Variants in AP3B1 observed in about 807,000 individuals in gnomAD.
AP3B1 encodes AP-3 complex subunit beta-1.
AP3B1 carries 61 observed loss-of-function variants against 132.5 expected under a neutral mutation model. That is an observed-to-expected ratio of 0.46 (90% CI 0.37 to 0.57). The LOEUF is 0.57. AP3B1 is among the 20% of genes least tolerant of loss of function. AP3B1 has a pLI of 0.00. For missense variants in AP3B1, 1,120 were observed against 1,289.4 expected (o/e 0.87, Z 2.01); for synonymous variants, 388 against 438.3 (o/e 0.89, Z 1.43).
chr5:78,059,971 T>C (rs535955987), intron 22 of AP3B1, among the ~76,000 whole-genome samples: 3 of 151,868 alleles, frequency 2.0e-5, no homozygotes, highest in African/African-American at 7.3e-5. Flanking sequence ...CAAACAGACA[T>C]GTTTCAATGG....
intron 3 of AP3B1, among the ~76,000 whole-genome samples, chr5:78,238,053 C>T (rs1303792908): frequency 1.3e-5 from 2 of 152,206 alleles, no homozygotes; most frequent in Non-Finnish European, 2.9e-5. Context: ...CCAGGCCACA[C>T]AGCAGGCAGT....
intron 12 of AP3B1, among the ~76,000 whole-genome samples, chr5:78,164,868 A>T (rs1017865365): frequency 2.0e-5 from 3 of 152,178 alleles, no homozygotes; most frequent in Non-Finnish European, 2.9e-5. Context: ...CAAAAAATAC[A>T]TCTCTAAAAG....
At chr5:78,120,663 C>T (rs1165699173) in intron 17 of AP3B1, among the ~76,000 whole-genome samples, 6 of 151,946 alleles carry the variant, frequency 3.9e-5, no homozygotes, top group Admixed American at 3.3e-4. Flanking sequence ...TATATATGCA[C>T]CCAATACAGG....
intron 7 of AP3B1, among the ~76,000 whole-genome samples, chr5:78,198,476 T>G (rs1206864712): frequency 6.6e-6 from 1 of 152,122 alleles, no homozygotes; most frequent in African/African-American, 2.4e-5. Context: ...AGCTACCTCA[T>G]ATGGTGGAAG....
Position 78,113,832 on chromosome 5 carries a change from C to T in AP3B1, c.2169G>A (p.Glu723=). The T allele has an allele frequency of 6.2e-7, 1 of 1,614,198 alleles. No individual in the cohort carries two copies. The highest frequency in any genetic ancestry group is 8.5e-7 in the Non-Finnish European group (1 of 1,180,024). The part of the protein sequence containing the change: ...NEDSSEDSSS[E]QDSESGRESG... ...ACTCCCGTCCACTCTCACTGTCCTG[C>T]TCACTGGAGGAGTCCTCACTGCTGT... The change falls in exon 19 of 27, where the codon GAG becomes GAA. Residue 723 remains glutamate (E), a synonymous_variant. Transcript: ENST00000255194.
intron 7 of AP3B1, among the ~76,000 whole-genome samples, chr5:78,187,653 C>G (rs761870625): frequency 4.6e-5 from 7 of 152,090 alleles, no homozygotes; most frequent in Non-Finnish European, 1.0e-4. Flanking sequence ...AAATGGCCAT[C>G]CTGCCCAAAG....
chr5:78,258,168 A>T (rs565064496), intron 2 of AP3B1, among the ~76,000 whole-genome samples: 1 of 152,362 alleles, frequency 6.6e-6, no homozygotes, highest in Non-Finnish European at 1.5e-5. Flanking sequence ...ATCGGATCAC[A>T]TCAAGTTAAA....
At chr5:78,227,863 G>A (rs564389690) in intron 4 of AP3B1, among the ~76,000 whole-genome samples, 9 of 152,104 alleles carry the variant, frequency 5.9e-5, no homozygotes, top group Admixed American at 1.3e-4. Flanking sequence ...CCCCTTTTGC[G>A]TACTTTCAAC....
intron 17 of AP3B1, among the ~76,000 whole-genome samples, chr5:78,125,410 G>A (rs1303642867): frequency 6.6e-6 from 1 of 152,044 alleles, no homozygotes. Flanking sequence ...ACAGTTACAG[G>A]ACTTGACCAT....
chr5:78,043,922 T>C lies in AP3B1; in HGVS notation c.2578-4648A>G, dbSNP rs115177417. 2.7e-3 allele frequency: 952 copies of C among 350,158 alleles called. 7 individuals are homozygous for C. Among genetic ancestry groups the C allele is most frequent in the African/African-American group, 0.019 (905 of 46,634 alleles). The allele number at this position is 350,158 out of a possible 1,614,324, so 21.7% of individuals were successfully genotyped here. The stretch of plus-strand genomic sequence containing the variant: ...CATTACCATGGGTTGGGGATGATGT[T>C]AACTTCCAGCTCTTTACCATTGTCC... On this transcript the variant is annotated intron_variant, in intron 22 of 26. Coordinates refer to ENST00000255194, the MANE Select transcript of AP3B1 (RefSeq NM_003664.5).
intron 23 of AP3B1, among the ~76,000 whole-genome samples, chr5:78,035,014 A>G (rs1580263854): frequency 6.6e-6 from 1 of 151,962 alleles, no homozygotes; most frequent in Admixed American, 6.6e-5. Context: ...TGCATTAAAT[A>G]CTCAAAAAAA....
intron 20 of AP3B1, among the ~76,000 whole-genome samples, chr5:78,103,711 T>G (rs986189949): frequency 6.6e-6 from 1 of 152,180 alleles, no homozygotes; most frequent in South Asian, 2.1e-4. Context: ...TATCAATTCA[T>G]CATCCTCAAA....
At chr5:78,134,823 G>A (rs769891489) in intron 15 of AP3B1, among the ~76,000 whole-genome samples, 5 of 152,182 alleles carry the variant, frequency 3.3e-5, no homozygotes, top group Non-Finnish European at 5.9e-5. Context: ...GATTACAGGC[G>A]TGAGCCACTG....
intron 9 of AP3B1, 84 bp from the exon 10 acceptor site, chr5:78,175,922 A>G: frequency 1.9e-6 from 2 of 1,074,822 alleles, no homozygotes; most frequent in East Asian, 2.4e-5. Context: ...ACAAAGAATT[A>G]GCAATAATTT....
At chr5:78,119,957 A>G (rs758513582) in intron 17 of AP3B1, among the ~76,000 whole-genome samples, 1 of 152,254 alleles carries the variant, frequency 6.6e-6, no homozygotes, top group Non-Finnish European at 1.5e-5. Context: ...CGGGTTACCT[A>G]CAAAGGGAAG....
chr5:78,202,011 A>G (rs1745310068), intron 7 of AP3B1, among the ~76,000 whole-genome samples: 1 of 152,146 alleles, frequency 6.6e-6, no homozygotes, highest in African/African-American at 2.4e-5. Context: ...AACTCCCACA[A>G]TTGCCATGTG....
chr5:78,120,928 A>T (rs1332652634), intron 17 of AP3B1, among the ~76,000 whole-genome samples: 1 of 152,236 alleles, frequency 6.6e-6, no homozygotes, highest in Admixed American at 6.5e-5. Context: ...TCCAAAATTG[A>T]CCACATAGTT....
At chr5:78,013,847 T>C (rs896888655) in intron 26 of AP3B1, among the ~76,000 whole-genome samples, 3 of 152,164 alleles carry the variant, frequency 2.0e-5, no homozygotes, top group African/African-American at 4.8e-5. Flanking sequence ...CTATGTGAGA[T>C]AGATAGAGCT....
intron 1 of AP3B1, among the ~76,000 whole-genome samples, chr5:78,272,693 A>T (rs961227712): frequency 6.6e-6 from 1 of 152,242 alleles, no homozygotes; most frequent in Admixed American, 6.5e-5. Context: ...GGCAATTTTA[A>T]TAGCACAGTT....
Sources: allele counts gnomAD v4.1 joint callset (sites outside exome capture counted in the v4.1 genomes callset), GRCh38; gene constraint gnomAD v4.1.1; transcripts MANE v1.5; gene names NCBI Gene and HGNC (gene_info 2026-07-23, HGNC 2026-07-21).